Variants in ACAP2 observed in about 807,000 individuals in gnomAD.
ACAP2 encodes the protein ArfGAP with coiled-coil, ankyrin repeat and PH domains 2, also known as arf-GAP with coiled-coil, ANK repeat and PH domain-containing protein 2.
ACAP2 carries 39 observed loss-of-function variants against 115.8 expected under a neutral mutation model. The observed-to-expected ratio is 0.34, with a 90% CI of 0.26 to 0.44. The LOEUF is 0.44. ACAP2 is among the 20% of genes least tolerant of loss of function. The probability of loss-of-function intolerance (pLI) is 1.00; values close to 1 mark genes in which losing one functional copy is unlikely to be tolerated. For synonymous variants in ACAP2, 289 were observed against 315.8 expected (o/e 0.92, Z 0.90); for missense variants, 662 against 927.6 (o/e 0.71, Z 3.72).
chr3:195,372,987 C>CAAAAA (rs869134113), intron 4 of ACAP2, among the ~76,000 whole-genome samples: 26 of 17,722 alleles, frequency 1.5e-3, no homozygotes, highest in South Asian at 3.7e-3. Context: ...GACTCCATCT[C>CAAAAA]AAAAAAAAAA....
chr3:195,317,611 T>C (rs1459876160), intron 10 of ACAP2, among the ~76,000 whole-genome samples: 1 of 152,210 alleles, frequency 6.6e-6, no homozygotes, highest in African/African-American at 2.4e-5. Flanking sequence ...TTCATTTTAG[T>C]ATATTACTAC....
intron 18 of ACAP2, among the ~76,000 whole-genome samples, chr3:195,293,224 T>C (rs1727385402): frequency 6.6e-6 from 1 of 152,186 alleles, no homozygotes; most frequent in South Asian, 2.1e-4. Flanking sequence ...TAAAAACTTT[T>C]ACTACTAGAC....
intron 1 of ACAP2, among the ~76,000 whole-genome samples, chr3:195,416,510 G>A (rs1228545590): frequency 6.6e-6 from 1 of 152,158 alleles, no homozygotes; most frequent in Non-Finnish European, 1.5e-5. Context: ...GCTTGTAGGA[G>A]TGTATACTGA....
intron 1 of ACAP2, among the ~76,000 whole-genome samples, chr3:195,413,090 C>A (rs1439686022): frequency 6.6e-6 from 1 of 152,102 alleles, no homozygotes; most frequent in African/African-American, 2.4e-5. Flanking sequence ...TGATTTTTGT[C>A]ATATTCCACA....
intron 2 of ACAP2, among the ~76,000 whole-genome samples, chr3:195,386,769 T>C (rs1560314821): frequency 6.6e-6 from 1 of 151,858 alleles, no homozygotes; most frequent in Non-Finnish European, 1.5e-5. Flanking sequence ...CTGCACATTC[T>C]GTACATGTAT....
At chr3:195,325,441 T>TTTTTTA in intron 9 of ACAP2, 2 of 414,426 alleles carry the variant, frequency 4.8e-6, no homozygotes, top group South Asian at 1.8e-5. Context: ...TTTTTTTTTT[T>TTTTTTA]ACCTGTAACG....
At chr3:195,410,782 G>C (rs1713194316) in intron 1 of ACAP2, 1 of 155,566 alleles carries the variant, frequency 6.4e-6, no homozygotes, top group East Asian at 1.9e-4. Flanking sequence ...GTATGAAGAG[G>C]TGGGGCCTTT....
chr3:195,332,003 G>A (rs1403338240), intron 8 of ACAP2, among the ~76,000 whole-genome samples: 2 of 151,566 alleles, frequency 1.3e-5, no homozygotes, highest in Non-Finnish European at 2.9e-5. Context: ...GCATGGTGGC[G>A]GGCACCTGTA....
chr3:195,377,672 G>C (rs1191025290), intron 4 of ACAP2, among the ~76,000 whole-genome samples: 1 of 151,632 alleles, frequency 6.6e-6, no homozygotes, highest in South Asian at 2.1e-4. Flanking sequence ...TTAAAGTATT[G>C]GTTACAAAAC....
intron 1 of ACAP2, among the ~76,000 whole-genome samples, chr3:195,402,766 A>G (rs823301): frequency 0.53 from 80,798 of 152,060 alleles, 22,796 homozygotes; most frequent in East Asian, 0.89. Flanking sequence ...CTAATCAGAA[A>G]CAGGGAAAAG....
chr3:195,324,437 TCACAC>T (rs1000618670), intron 9 of ACAP2, among the ~76,000 whole-genome samples: 60 of 152,060 alleles, frequency 3.9e-4, no homozygotes, highest in African/African-American at 1.4e-3. Context: ...GATCTCTACC[TCACAC>T]CACACACAAA....
Position 195,277,341 on chromosome 3 carries a change from T to TA in ACAP2, c.*1986dup, listed in dbSNP as rs888636492. ...GATTTTTGCCTTTAGTGAAGGTGCC[T>TA]AAAAAGCCAGATGATCTATGACTTT... On this transcript the variant is annotated 3_prime_UTR_variant, in exon 23 of 23. Coordinates refer to ENST00000326793, the MANE Select transcript of ACAP2 (RefSeq NM_012287.6). The TA allele has an allele frequency of 1.3e-5, 2 of 152,230 alleles. No individual in the cohort carries two copies. Among genetic ancestry groups the TA allele is most frequent in the African/African-American group, 4.8e-5 (2 of 41,466 alleles). 9.4% of individuals were successfully genotyped at this position (152,230 alleles called of 1,614,324 possible).
At chr3:195,316,115 T>C (rs576495695) in intron 10 of ACAP2, among the ~76,000 whole-genome samples, 1 of 152,186 alleles carries the variant, frequency 6.6e-6, no homozygotes, top group South Asian at 2.1e-4. Flanking sequence ...ATCTGAAGGC[T>C]AAAATTCAAT....
At chr3:195,410,222 C>A (rs1231554714) in intron 1 of ACAP2, among the ~76,000 whole-genome samples, 1 of 152,066 alleles carries the variant, frequency 6.6e-6, no homozygotes, top group Non-Finnish European at 1.5e-5. Context: ...TATCCACATG[C>A]AAAAGAATGA....
intron 1 of ACAP2, among the ~76,000 whole-genome samples, chr3:195,415,318 T>G (rs9814344): frequency 0.24 from 35,717 of 150,672 alleles, 4,970 homozygotes; most frequent in East Asian, 0.71. Context: ...CTTGCTCTGT[T>G]GCCAGGCTGG....
At chr3:195,320,934 T>C (rs573257088) in intron 9 of ACAP2, 121 bp from the exon 10 acceptor site, 26 of 568,458 alleles carry the variant, frequency 4.6e-5, no homozygotes, top group African/African-American at 4.3e-4. Context: ...GTTACAACAA[T>C]ATTAATAAGA....
chr3:195,361,296 T>A (rs1364856836), intron 4 of ACAP2, among the ~76,000 whole-genome samples: 1 of 151,886 alleles, frequency 6.6e-6, no homozygotes, highest in Admixed American at 6.6e-5. Context: ...ATTAGCCAGG[T>A]GTAATGGCAT....
At chr3:195,325,643 T>G (rs1247376995) in intron 9 of ACAP2, among the ~76,000 whole-genome samples, 2 of 152,068 alleles carry the variant, frequency 1.3e-5, no homozygotes, top group Non-Finnish European at 2.9e-5. Flanking sequence ...GAAAAGATAT[T>G]AAAAGATGCA....
chr3:195,314,196 G>GTTTTT (rs751897649), intron 10 of ACAP2, among the ~76,000 whole-genome samples: 1 of 112,160 alleles, frequency 8.9e-6, no homozygotes, highest in African/African-American at 3.5e-5. Flanking sequence ...AGAAAATTTT[G>GTTTTT]TTGTTTTTTT....
Sources: gnomAD v4.1 joint callset for allele counts (sites outside exome capture counted in the v4.1 genomes callset) on GRCh38, gnomAD v4.1.1 for gene constraint, MANE v1.5 for transcripts, NCBI Gene and HGNC (gene_info 2026-07-23, HGNC 2026-07-21) for gene names.